The following USP43 variants were observed in gnomAD, a reference collection of about 807,000 sequenced individuals.
USP43 encodes the protein ubiquitin carboxyl-terminal hydrolase 43.
USP43 carries 33 observed loss-of-function variants against 90.7 expected under a neutral mutation model. The observed-to-expected ratio is 0.36, with a 90% CI of 0.28 to 0.49. USP43 has a LOEUF of 0.49. USP43 is among the 20% of genes least tolerant of loss of function. The pLI, the probability that USP43 is intolerant of heterozygous loss-of-function variation, is 0.98. For synonymous variants in USP43, 598 were observed against 615.8 expected (o/e 0.97, Z 0.43); for missense variants, 1,274 against 1,476.4 (o/e 0.86, Z 2.25).
At chr17:9,678,473 C>G (rs911431881) in intron 5 of USP43, among the ~76,000 whole-genome samples, 5 of 152,122 alleles carry the variant, frequency 3.3e-5, no homozygotes, top group African/African-American at 1.2e-4. Flanking sequence ...TCTCCTGCCT[C>G]AGCCTCCTGA....
At chr17:9,717,158 C>CA (rs34421871) in intron 14 of USP43, among the ~76,000 whole-genome samples, 10,262 of 81,554 alleles carry the variant, frequency 0.13, 579 homozygotes, top group Non-Finnish European at 0.19. Context: ...GACTCCCTCT[C>CA]AAAAAAAAAA....
Position 9,646,147 on chromosome 17 carries a change from C to T in USP43, c.504+11C>T, listed in dbSNP as rs920154058. On this transcript the variant is annotated intron_variant, in intron 1 of 14. Transcript: ENST00000285199. The stretch of plus-strand genomic sequence containing the variant: ...TCCGCGGAGTTCAAGGTAGGCAGCG[C>T]TGCGCCGCCGACCGCCCTGTCCCCC... 2.8e-6 allele frequency: 4 copies of T among 1,415,782 alleles called. No homozygotes were observed. The highest frequency in any genetic ancestry group is 3.7e-6 in the Non-Finnish European group (4 of 1,088,760). 87.7% of individuals were successfully genotyped at this position (1,415,782 alleles called of 1,614,324 possible). A position where few individuals can be genotyped will look rare whatever the true frequency, so the allele number is the denominator to read the frequency against.
intron 6 of USP43, among the ~76,000 whole-genome samples, chr17:9,681,934 G>A (rs984447038): frequency 6.6e-6 from 1 of 152,204 alleles, no homozygotes; most frequent in African/African-American, 2.4e-5. Context: ...TTGACAGGGA[G>A]ATGCTGGGCA....
At chr17:9,726,342 T>C (rs1597903013) in intron 14 of USP43, among the ~76,000 whole-genome samples, 1 of 152,332 alleles carries the variant, frequency 6.6e-6, no homozygotes. Context: ...GGGCTTTTTA[T>C]GGCAGGAGTT....
rs561510412 is a variant in USP43, at chr17:9,727,652, A to G, written c.2336-302A>G. 2.6e-5 allele frequency among the ~76,000 whole-genome samples: 4 copies of G among 152,314 alleles called. No homozygotes were observed. In the South Asian group the frequency reaches 8.3e-4, roughly 32 times the overall value. ...TTAAAGATAGATGAAACTGATGTTC[A>G]TTCTTAAGGCTAGATGCCCGTGAGA... On this transcript the variant is annotated intron_variant, in intron 14 of 14. Coordinates refer to ENST00000285199, the MANE Select transcript of USP43 (RefSeq NM_153210.5).
intron 8 of USP43, among the ~76,000 whole-genome samples, chr17:9,692,895 A>C (rs1915040796): frequency 6.6e-6 from 1 of 152,104 alleles, no homozygotes; most frequent in Non-Finnish European, 1.5e-5. Flanking sequence ...TTTTGGGGGG[A>C]AGATGTAACA....
chr17:9,723,370 G>A (rs560059683), intron 14 of USP43, among the ~76,000 whole-genome samples: 3 of 152,132 alleles, frequency 2.0e-5, no homozygotes, highest in African/African-American at 4.8e-5. Context: ...CCTGTCTTTA[G>A]AGAAATGTCT....
chr17:9,663,948 G>T (rs1039604348), intron 2 of USP43, among the ~76,000 whole-genome samples: 1 of 152,134 alleles, frequency 6.6e-6, no homozygotes, highest in African/African-American at 2.4e-5. Context: ...CTTGACCCTG[G>T]TACCATGCTG....
intron 14 of USP43, among the ~76,000 whole-genome samples, chr17:9,716,970 T>A (rs1477652671): frequency 6.6e-6 from 1 of 152,062 alleles, no homozygotes; most frequent in African/African-American, 2.4e-5. Flanking sequence ...ACCCCGTCTC[T>A]ACTAAAAATA....
At position 9,701,189 on chromosome 17, in the gene USP43, C is replaced by T. The variant is rs1017775414; in HGVS notation, c.1606C>T (p.Gln536Ter). The stretch of plus-strand genomic sequence containing the variant: ...TGTGTGGCAGCAGCAGCAGGCGCAT[C>T]AGCAGCACAGCTGTACCTTGGATGA... ...DSVWQQQQAH[Q>*]QHSCTLDECF... is the part of the protein sequence containing the mutation. Residue 536 changes from glutamine (Q) to a stop codon, truncating the protein, a stop_gained, in exon 11 of 15, where the codon CAG becomes TAG. Coordinates refer to ENST00000285199, the MANE Select transcript of USP43 (RefSeq NM_153210.5). LOFTEE classifies it high-confidence loss of function. The surrounding 1 kb of genome is among the most constrained non-coding windows in gnomAD (Gnocchi z 7.2). 6.4e-7 allele frequency: 1 copy of T among 1,568,414 alleles called. No homozygotes were observed. Among genetic ancestry groups the T allele is most frequent in the Non-Finnish European group, 8.7e-7 (1 of 1,155,820 alleles).
At chr17:9,699,529 G>A (rs1275647459) in intron 9 of USP43, among the ~76,000 whole-genome samples, 2 of 152,194 alleles carry the variant, frequency 1.3e-5, no homozygotes, top group Non-Finnish European at 2.9e-5. Context: ...ACTCCTTTGG[G>A]TGTGGACGTT....
chr17:9,672,071 AC>A (rs1452641078), intron 3 of USP43, among the ~76,000 whole-genome samples: 17 of 152,238 alleles, frequency 1.1e-4, no homozygotes, highest in African/African-American at 3.9e-4. Flanking sequence ...ATCTCAGCTC[AC>A]TGCAACCTCC....
rs1009401958 is a variant in USP43 at position 9,726,385 on chromosome 17, T to A, written c.2336-1569T>A. Among the ~76,000 whole-genome samples, 65 of 152,154 alleles carry A rather than the reference T, an allele frequency of 4.3e-4. 1 individual carries two copies. The highest frequency in any genetic ancestry group is 1.5e-3 in the African/African-American group (61 of 41,418). ...CTTTTGGAGCTTCTCTGTTTCATTG[T>A]TCATTCAGGCTGTTAGAACAGAATA... On this transcript the variant is annotated intron_variant, in intron 14 of 14. Transcript: ENST00000285199.
At chr17:9,671,092 T>C (rs1913388842) in intron 3 of USP43, among the ~76,000 whole-genome samples, 1 of 152,164 alleles carries the variant, frequency 6.6e-6, no homozygotes. Flanking sequence ...TAAACCCCTT[T>C]TAAGGGGCTG....
Position 9,728,964 on chromosome 17 carries a change from A to G in USP43, c.3346A>G (p.Lys1116Glu). The change falls in exon 15 of 15, where the codon AAA becomes GAA. Residue 1116 changes from lysine to glutamate, a missense_variant. Physicochemically the swap from Lys to Glu is moderately conservative, Grantham distance 56. Coordinates refer to ENST00000285199, the MANE Select transcript of USP43 (RefSeq NM_153210.5). This position sits in a 1 kb window ranked among gnomAD's most constrained non-coding sequence, Gnocchi z 6.2. The part of the protein sequence containing the change: ...KYHTLSLGRK[K>E]TLPESSF The stretch of plus-strand genomic sequence containing the variant: ...TCACACTCTTTCTTTAGGTCGAAAG[A>G]AAACCTTACCGGAGTCCAGCTTTTG... 1 of 1,585,840 alleles carries G rather than the reference A, an allele frequency of 6.3e-7. No homozygotes were observed. Among genetic ancestry groups the G allele is most frequent in the Non-Finnish European group, 8.6e-7 (1 of 1,162,556 alleles).
At chr17:9,711,708 G>A (rs1916205583) in intron 13 of USP43, among the ~76,000 whole-genome samples, 1 of 152,198 alleles carries the variant, frequency 6.6e-6, no homozygotes. Context: ...TGGCATTACA[G>A]GCGTGAGCCA....
rs994239065 is a variant in USP43, at chr17:9,700,048, G to A, written c.1458-124G>A. ...CGAGGATAGCTGACCTTGGCTTACT[G>A]GCAGTTTTGGGTATTTCTGTTTGGA... On this transcript the variant is annotated intron_variant, in intron 9 of 14. Coordinates refer to ENST00000285199, the MANE Select transcript of USP43 (RefSeq NM_153210.5). 3.3e-6 allele frequency: 3 copies of A among 911,644 alleles called. No homozygotes were observed. The Admixed American group carries it at 8.0e-5, about 24-fold the overall frequency. 56.5% of individuals were successfully genotyped at this position (911,644 alleles called of 1,614,324 possible).
chr17:9,680,294 A>G lies in USP43; in HGVS notation c.1033A>G (p.Asn345Asp). 1.2e-6 allele frequency: 2 copies of G among 1,613,978 alleles called. No individual in the cohort carries two copies. Among genetic ancestry groups the G allele is most frequent in the Middle Eastern group, 1.6e-4 (1 of 6,062 alleles). The part of the protein sequence containing the change: ...QRSFFDEEDL[N>D]TIAEGDNVYA... The stretch of plus-strand genomic sequence containing the variant: ...GTCTTTCTTTGATGAAGAGGACCTG[A>G]ATACCATCGCAGAGGGAGATAATGT... The change falls in exon 6 of 15, where the codon AAT becomes GAT. Residue 345 changes from asparagine (N) to aspartate (D), a missense_variant. Physicochemically the swap from Asn to Asp is conservative, Grantham distance 23 (BLOSUM62 1). Transcript: ENST00000285199.
At chr17:9,708,993 GAGAA>G (rs932050491) in intron 12 of USP43, among the ~76,000 whole-genome samples, 20 of 152,088 alleles carry the variant, frequency 1.3e-4, no homozygotes, top group African/African-American at 4.8e-4. Context: ...TTAAAAGTGG[GAGAA>G]AGACACGCAG....
Sources: allele counts gnomAD v4.1 joint callset (sites outside exome capture counted in the v4.1 genomes callset), GRCh38; gene constraint gnomAD v4.1.1; non-coding constraint Gnocchi (gnomAD v3.1); transcripts MANE v1.5; gene names NCBI Gene and HGNC (gene_info 2026-07-23, HGNC 2026-07-21).